Variants in CMYA5 observed in about 807,000 individuals in gnomAD.
The protein encoded by CMYA5 is cardiomyopathy associated 5.
In CMYA5, 246 loss-of-function variants were observed where a neutral mutation model predicts 318.9. The ratio of observed to expected loss-of-function variants is 0.77; its 90% CI spans 0.70 to 0.86. The LOEUF is 0.86. Ranked by LOEUF, CMYA5 falls within the 40% of genes least tolerant of loss-of-function variation. The pLI, the probability that CMYA5 is intolerant of heterozygous loss-of-function variation, is 0.00. For synonymous variants in CMYA5, 1,641 were observed against 1,729.5 expected, an observed-to-expected ratio of 0.95 and a Z score of 1.27; for missense variants, 4,589 against 4,678.2, an observed-to-expected ratio of 0.98 and a Z score of 0.56.
rs1332265673 is a variant in CMYA5, at chr5:79,742,101, TCTTCTTCTCTTC to T, written c.10639-1725_10639-1714del. On this transcript the variant is annotated intron_variant, in intron 2 of 12. Transcript: ENST00000446378. ...TCTTCTTCTTCTTCTTCTTCTTCTT[TCTTCTTCTCTTC>T]TTCTTCTTCTTCCTCCTCCTCCCCT... Among the ~76,000 whole-genome samples the T allele has an allele frequency of 1.9e-4, 16 of 84,560 alleles. No homozygotes were observed. In the East Asian group the frequency reaches 3.7e-3, roughly 20 times the overall value. 55.5% of individuals were successfully genotyped at this position (84,560 alleles called of 152,430 possible). A position where few individuals can be genotyped will look rare whatever the true frequency, so the allele number is the denominator to read the frequency against.
chr5:79,699,289 T>G lies in CMYA5; in HGVS notation c.149+9233T>G, dbSNP rs143418511. 5.7e-3 allele frequency among the ~76,000 whole-genome samples: 868 copies of G among 152,296 alleles called. 6 individuals carry two copies. The highest frequency in any genetic ancestry group is 0.02 in the African/African-American group (819 of 41,560). On this transcript the variant is annotated intron_variant, in intron 1 of 12. Transcript: ENST00000446378. ...GCTCCTTCTGTCTGATGAACGCCAT[T>G]CATATTACCACCCTCCTAACAAATC...
Position 79,737,604 on chromosome 5 carries a change from A to G in CMYA5, c.8839A>G (p.Ile2947Val). Residue 2947 changes from isoleucine (I) to valine (V), a missense_variant, in exon 2 of 13, where the codon ATT becomes GTT. Coordinates refer to ENST00000446378, the MANE Select transcript of CMYA5 (RefSeq NM_153610.5). ...AGATCAGAAGACTGCCTTTAGTATC[A>G]TTTCTGAAGGCTGTGAGATATTGAA... is the stretch of plus-strand genomic sequence containing the variant. ...SEDQKTAFSI[I>V]SEGCEILNIH... The G allele has an allele frequency of 6.2e-7, 1 of 1,613,720 alleles. No homozygotes were observed. Among genetic ancestry groups the G allele is most frequent in the African/African-American group, 1.3e-5 (1 of 75,056 alleles).
intron 1 of CMYA5, among the ~76,000 whole-genome samples, chr5:79,720,427 AATTTTTTTTTTT>A (rs1827601017): frequency 7.3e-6 from 1 of 136,806 alleles, no homozygotes; most frequent in African/African-American, 2.9e-5. Flanking sequence ...CTGCCAATCT[AATTTTTTTTTTT>A]TTTTTTTTTT....
At chr5:79,778,811 C>CTGTGTGTGTGTGTGTGTTTGTATGTGTG (rs1828992858) in intron 9 of CMYA5, among the ~76,000 whole-genome samples, 1 of 85,024 alleles carries the variant, frequency 1.2e-5, no homozygotes, top group Non-Finnish European at 2.1e-5. Context: ...CTCTCTCTTT[C>CTGTGTGTGTGTGTGTGTTTGTATGTGTG]TGTGTGTGTG....
intron 9 of CMYA5, among the ~76,000 whole-genome samples, chr5:79,784,849 C>A (rs955908231): frequency 6.6e-6 from 1 of 151,224 alleles, no homozygotes; most frequent in Non-Finnish European, 1.5e-5. Context: ...CCCGGTACCT[C>A]AGATGGAAAT....
At chr5:79,739,642 G>A (rs867615093) in intron 2 of CMYA5, among the ~76,000 whole-genome samples, 2 of 151,546 alleles carry the variant, frequency 1.3e-5, no homozygotes, top group African/African-American at 2.4e-5. Flanking sequence ...TCAACCAACC[G>A]CAGATCAAAT....
chr5:79,744,104 T>C (rs1828272081), intron 3 of CMYA5, among the ~76,000 whole-genome samples, 182 bp downstream of exon 3: 1 of 152,204 alleles, frequency 6.6e-6, no homozygotes, highest in Non-Finnish European at 1.5e-5. Flanking sequence ...TGAGTGAGAT[T>C]CCTTTCTGCC....
intron 1 of CMYA5, among the ~76,000 whole-genome samples, chr5:79,692,577 A>G (rs1247790650): frequency 6.6e-6 from 1 of 152,236 alleles, no homozygotes; most frequent in Non-Finnish European, 1.5e-5. Context: ...GAATCCTATT[A>G]GTTGTTCCAT....
At chr5:79,719,780 C>G (rs1297513871) in intron 1 of CMYA5, among the ~76,000 whole-genome samples, 1 of 152,062 alleles carries the variant, frequency 6.6e-6, no homozygotes, top group African/African-American at 2.4e-5. Flanking sequence ...CATAGCTGGA[C>G]TACTATGGGA....
chr5:79,778,627 G>C (rs1042861448), intron 9 of CMYA5, among the ~76,000 whole-genome samples: 5 of 151,280 alleles, frequency 3.3e-5, no homozygotes, highest in African/African-American at 1.2e-4. Flanking sequence ...ATTTGTAGAA[G>C]CTCTGTTTTT....
chr5:79,725,319 T>C (rs768326591), intron 1 of CMYA5, among the ~76,000 whole-genome samples: 1 of 152,190 alleles, frequency 6.6e-6, no homozygotes, highest in Non-Finnish European at 1.5e-5. Flanking sequence ...TGCAGCAATA[T>C]GAATGCAGCT....
Position 79,738,072 on chromosome 5 carries a change from GA to G in CMYA5, c.9309del (p.Glu3103AspfsTer7). ...AGTAAGTTCAGTGGAAAGTGCACTA[GA>G]ACATGAATATGACTTGGTGAAATTA... ...FPVSSVESALEHEYDLVKLDE... is the reference protein window; with the variant it reads ...FPVSSVESALXHEYDLVKLDE... On this transcript the variant is annotated frameshift_variant, in exon 2 of 13. Coordinates refer to ENST00000446378, the MANE Select transcript of CMYA5 (RefSeq NM_153610.5). LOFTEE classifies it high-confidence loss of function. The G allele has an allele frequency of 6.2e-7, 1 of 1,613,488 alleles. No individual in the cohort carries two copies. Among genetic ancestry groups the G allele is most frequent in the Non-Finnish European group, 8.5e-7 (1 of 1,179,746 alleles).
At chr5:79,692,266 G>A (rs1489980694) in intron 1 of CMYA5, among the ~76,000 whole-genome samples, 2 of 152,032 alleles carry the variant, frequency 1.3e-5, no homozygotes, top group Non-Finnish European at 2.9e-5. Flanking sequence ...TGAAAGGAGG[G>A]GTCCACTCAG....
chr5:79,799,873 A>AACG lies in CMYA5; in HGVS notation c.*258_*259insCGA. The AACG allele has an allele frequency of 7.0e-6, 1 of 142,348 alleles. No homozygotes were observed. Among genetic ancestry groups the AACG allele is most frequent in the Non-Finnish European group, 1.4e-5 (1 of 72,556 alleles). The allele number at this position is 142,348 out of a possible 1,614,324, so 8.8% of individuals were successfully genotyped here. A position where few individuals can be genotyped will look rare whatever the true frequency, so the allele number is the denominator to read the frequency against. On this transcript the variant is annotated 3_prime_UTR_variant, in exon 13 of 13. Coordinates refer to ENST00000446378, the MANE Select transcript of CMYA5 (RefSeq NM_153610.5). Reference sequence around the variant, plus strand: ...AAGTTTGAGTTCTTTCCTAAATTAAAAGATCTACACTTGAGTTGGGAACCG... The same window carrying AACG: ...AAGTTTGAGTTCTTTCCTAAATTAAAACGAGATCTACACTTGAGTTGGGAACCG...
Position 79,734,437 on chromosome 5 carries a change from A to G in CMYA5, c.5672A>G (p.Asp1891Gly). The G allele has an allele frequency of 6.2e-7, 1 of 1,613,746 alleles. No individual in the cohort carries two copies. The highest frequency in any genetic ancestry group is 2.2e-5 in the East Asian group (1 of 44,884). Residue 1891 changes from aspartate (D) to glycine (G), a missense_variant, in exon 2 of 13, where the codon GAT (aspartate) becomes GGT (glycine). Around this residue, in one of 3 missense-constraint regions of CMYA5, gnomAD observed 26 missense variants for 51.8 expected, o/e 0.50. Coordinates refer to ENST00000446378, the MANE Select transcript of CMYA5 (RefSeq NM_153610.5). Reference sequence around the variant, plus strand: ...GAAGAATTCTTTATTTCTCCAAAGGATGAAAACTGGATGTTGGGAAAGCCA... The same window carrying G: ...GAAGAATTCTTTATTTCTCCAAAGGGTGAAAACTGGATGTTGGGAAAGCCA... Reference protein sequence around the residue: ...KMEEFFISPKDENWMLGKPEN... With the variant: ...KMEEFFISPKGENWMLGKPEN...
chr5:79,754,422 AG>A (rs1828490135), intron 6 of CMYA5, among the ~76,000 whole-genome samples: 1 of 152,194 alleles, frequency 6.6e-6, no homozygotes. Flanking sequence ...CCAAGGAGGT[AG>A]GTTTTGTTAT....
chr5:79,725,210 A>G (rs1827721022), intron 1 of CMYA5, among the ~76,000 whole-genome samples: 1 of 152,222 alleles, frequency 6.6e-6, no homozygotes, highest in Non-Finnish European at 1.5e-5. Context: ...CATGGAATCA[A>G]CCTAAGTGCC....
At chr5:79,695,092 A>C (rs115475884) in intron 1 of CMYA5, among the ~76,000 whole-genome samples, 2,339 of 151,748 alleles carry the variant, frequency 0.015, 49 homozygotes, top group African/African-American at 0.054. Context: ...TTTTACACAC[A>C]AAAAAGTCCA....
At chr5:79,771,718 T>A (rs906953989) in intron 9 of CMYA5, among the ~76,000 whole-genome samples, 1 of 152,148 alleles carries the variant, frequency 6.6e-6, no homozygotes, top group Admixed American at 6.5e-5. Context: ...CAGTTAGTGA[T>A]CTCCACTAAA....
Sources: allele counts gnomAD v4.1 joint callset (sites outside exome capture counted in the v4.1 genomes callset), GRCh38; gene constraint gnomAD v4.1.1; regional missense constraint gnomAD v4.1.1; transcripts MANE v1.5; gene names NCBI Gene and HGNC (gene_info 2026-07-23, HGNC 2026-07-21).